ROBO2: variants seen among roughly 807,000 people sequenced by gnomAD.
ROBO2 encodes roundabout homolog 2.
ROBO2 carries 53 observed loss-of-function variants against 160.8 expected under a neutral mutation model. The observed-to-expected ratio is 0.33, with a 90% CI of 0.26 to 0.41. The LOEUF is 0.41. Among genes scored for constraint, ROBO2 ranks in the 10% least tolerant of loss-of-function variants. The pLI is 1.00. For missense variants in ROBO2, 1,577 were observed against 1,722.4 expected (o/e 0.92, Z 1.49); for synonymous variants, 664 against 611.7 (o/e 1.09, Z -1.26).
At chr3:76,345,353 T>C (rs906026285) in intron 2 of ROBO2, among the ~76,000 whole-genome samples, 3 of 151,626 alleles carry the variant, frequency 2.0e-5, no homozygotes, top group Non-Finnish European at 4.4e-5. Flanking sequence ...TCAAAATAGG[T>C]GAGTATGAAT....
intron 2 of ROBO2, among the ~76,000 whole-genome samples, chr3:76,620,778 T>A (rs1028521072): frequency 1.3e-5 from 2 of 152,150 alleles, no homozygotes. Flanking sequence ...GTTCCAATTC[T>A]ATATTATAAG....
chr3:75,933,614 A>G (rs185026147), intron 1 of ROBO2, among the ~76,000 whole-genome samples: 1 of 152,246 alleles, frequency 6.6e-6, no homozygotes, highest in African/African-American at 2.4e-5. Flanking sequence ...GTCTGAAGAC[A>G]TTACTTACCT....
chr3:75,939,233 C>G (rs1947930072), intron 2 of ROBO2, among the ~76,000 whole-genome samples: 1 of 152,114 alleles, frequency 6.6e-6, no homozygotes, highest in Non-Finnish European at 1.5e-5. Flanking sequence ...TAATAGTGAT[C>G]CAACATGACA....
chr3:77,218,717 T>TC (rs1257636346), intron 2 of ROBO2, among the ~76,000 whole-genome samples: 1 of 152,178 alleles, frequency 6.6e-6, no homozygotes, highest in East Asian at 1.9e-4. Context: ...GGTTATCATG[T>TC]CACCCTCTTC....
intron 3 of ROBO2, among the ~76,000 whole-genome samples, chr3:77,480,640 A>T (rs2084577285): frequency 1.3e-5 from 2 of 152,112 alleles, no homozygotes; most frequent in East Asian, 1.9e-4. Flanking sequence ...TTACCGTTTG[A>T]TTTACCACTG....
exon 11 of ROBO2, chr3:77,563,218 C>G (rs369800882): frequency 1.2e-6 from 2 of 1,613,526 alleles, no homozygotes; most frequent in Non-Finnish European, 1.7e-6. Flanking sequence ...CTGCCAGGGC[C>G]ACCATCCAAA....
chr3:75,913,364 G>A (rs1946678745), intron 1 of ROBO2, among the ~76,000 whole-genome samples: 1 of 152,150 alleles, frequency 6.6e-6, no homozygotes, highest in Admixed American at 6.5e-5. Flanking sequence ...CCAGGGCCTG[G>A]AGATTAGGCC....
At chr3:76,116,354 G>A (rs1319228676) in intron 2 of ROBO2, among the ~76,000 whole-genome samples, 1 of 152,084 alleles carries the variant, frequency 6.6e-6, no homozygotes, top group Non-Finnish European at 1.5e-5. Context: ...ATCCTTAACG[G>A]AATCCTCAGT....
intron 1 of ROBO2, among the ~76,000 whole-genome samples, chr3:75,912,311 A>C (rs1402741467): frequency 6.6e-6 from 1 of 152,154 alleles, no homozygotes; most frequent in Non-Finnish European, 1.5e-5. Context: ...AGATTTTTTG[A>C]TTTAAATAGT....
chr3:76,900,443 G>A lies in ROBO2; in HGVS notation c.110-197571G>A, dbSNP rs573744836. On this transcript the variant is annotated intron_variant, in intron 2 of 26. Transcript: ENST00000487694. ...GGTGTCATGATGTGACAAGTTGCAC[G>A]ATGAGGAAGTTGGGCCAAATCAATA... 4.6e-5 allele frequency among the ~76,000 whole-genome samples: 7 copies of A among 152,256 alleles called. No individual in the cohort carries two copies. In the South Asian group the frequency reaches 1.2e-3, roughly 27 times the overall value.
At chr3:77,171,561 T>G (rs2079636138) in intron 2 of ROBO2, among the ~76,000 whole-genome samples, 1 of 152,264 alleles carries the variant, frequency 6.6e-6, no homozygotes, top group Non-Finnish European at 1.5e-5. Context: ...TGTGGTATGT[T>G]TCCTCATGAG....
intron 6 of ROBO2, 25 bp from the exon 8 acceptor site, chr3:77,546,313 C>A (rs779967776): frequency 2.5e-6 from 4 of 1,611,522 alleles, no homozygotes; most frequent in Non-Finnish European, 3.4e-6. Context: ...GATATTTACA[C>A]GCTTTCTTTT....
chr3:77,336,344 C>G (rs558172058), intron 2 of ROBO2, among the ~76,000 whole-genome samples: 1 of 152,234 alleles, frequency 6.6e-6, no homozygotes, highest in African/African-American at 2.4e-5. Flanking sequence ...ATCCAACAAG[C>G]AACACGAAGT....
intron 13 of ROBO2, among the ~76,000 whole-genome samples, chr3:77,572,639 A>ACT (rs1384865312): frequency 9.1e-6 from 1 of 110,414 alleles, no homozygotes; most frequent in Admixed American, 9.2e-5. Context: ...ACATAGAAAC[A>ACT]CACACACACA....
chr3:77,385,880 G>C (rs914879410), intron 2 of ROBO2, among the ~76,000 whole-genome samples: 1 of 152,118 alleles, frequency 6.6e-6, no homozygotes, highest in Non-Finnish European at 1.5e-5. Context: ...CCTAACACTC[G>C]ATCCAGGAAT....
intron 2 of ROBO2, among the ~76,000 whole-genome samples, chr3:76,835,583 A>T (rs1370172825): frequency 1.3e-5 from 2 of 151,622 alleles, no homozygotes; most frequent in Non-Finnish European, 2.9e-5. Flanking sequence ...GTTAAGTTTG[A>T]TAAGAACCAC....
intron 2 of ROBO2, among the ~76,000 whole-genome samples, chr3:76,055,223 G>A (rs1002341373): frequency 2.0e-5 from 3 of 152,104 alleles, no homozygotes; most frequent in Non-Finnish European, 4.4e-5. Flanking sequence ...ATCTCCCACG[G>A]GGTCCCTCCC....
chr3:77,295,238 A>G (rs2061921149), intron 2 of ROBO2, among the ~76,000 whole-genome samples: 1 of 149,546 alleles, frequency 6.7e-6, no homozygotes, highest in Non-Finnish European at 1.5e-5. Flanking sequence ...AGATCACCAA[A>G]GACATAAAGT....
chr3:76,593,128 A>G (rs150938987), intron 2 of ROBO2, among the ~76,000 whole-genome samples: 63 of 152,216 alleles, frequency 4.1e-4, no homozygotes, highest in African/African-American at 1.5e-3. Context: ...TTCACTGTGC[A>G]TCATGCTGAA....
Sources: gnomAD v4.1 joint callset for allele counts (sites outside exome capture counted in the v4.1 genomes callset) on GRCh38, gnomAD v4.1.1 for gene constraint, MANE v1.5 for transcripts, NCBI Gene and HGNC (gene_info 2026-07-23, HGNC 2026-07-21) for gene names.